GPAT3: variants seen among roughly 807,000 people sequenced by gnomAD.
The protein encoded by GPAT3 is glycerol-3-phosphate acyltransferase 3.
GPAT3 carries 53 observed loss-of-function variants against 58.8 expected under a neutral mutation model. That is an observed-to-expected ratio of 0.90 (90% CI 0.72 to 1.13). The LOEUF is 1.13. GPAT3 is among the 50% of genes most tolerant of loss of function. GPAT3 has a pLI of 0.00. For synonymous variants in GPAT3, 197 were observed against 187.4 expected, an observed-to-expected ratio of 1.05 and a Z score of -0.42; for missense variants, 511 against 527.6, an observed-to-expected ratio of 0.97 and a Z score of 0.31.
chr4:83,577,231 T>C (rs1226299598), intron 2 of GPAT3, among the ~76,000 whole-genome samples: 2 of 152,152 alleles, frequency 1.3e-5, no homozygotes, highest in Non-Finnish European at 2.9e-5. Flanking sequence ...CTGAGGAACC[T>C]TTCCACATTT....
chr4:83,569,940 T>C (rs1208258845), intron 2 of GPAT3, among the ~76,000 whole-genome samples: 1 of 152,214 alleles, frequency 6.6e-6, no homozygotes, highest in Non-Finnish European at 1.5e-5. Flanking sequence ...AGGGGCCATA[T>C]ATAGATTTTC....
At chr4:83,553,646 C>A (rs553565195) in intron 2 of GPAT3, among the ~76,000 whole-genome samples, 1 of 152,190 alleles carries the variant, frequency 6.6e-6, no homozygotes, top group African/African-American at 2.4e-5. Context: ...TGCCTGTAAT[C>A]CCAGCACTTT....
At chr4:83,572,844 AC>A in intron 2 of GPAT3, among the ~76,000 whole-genome samples, 1 of 152,350 alleles carries the variant, frequency 6.6e-6, no homozygotes, top group East Asian at 1.9e-4. Flanking sequence ...GGCCTAACTT[AC>A]GTCCTGGAAA....
At chr4:83,547,787 TA>T (rs1207392710) in intron 2 of GPAT3, among the ~76,000 whole-genome samples, 1 of 152,170 alleles carries the variant, frequency 6.6e-6, no homozygotes, top group Non-Finnish European at 1.5e-5. Context: ...GAACTTCAGA[TA>T]TGATTATGGG....
At chr4:83,581,319 G>A (rs1404649093) in intron 2 of GPAT3, among the ~76,000 whole-genome samples, 1 of 151,750 alleles carries the variant, frequency 6.6e-6, no homozygotes, top group Non-Finnish European at 1.5e-5. Flanking sequence ...GATTATGGAG[G>A]ACCAAAAACC....
chr4:83,590,658 ACTTCTTTCTT>A (rs1726561813), intron 6 of GPAT3, among the ~76,000 whole-genome samples: 1 of 152,168 alleles, frequency 6.6e-6, no homozygotes, highest in African/African-American at 2.4e-5. Context: ...CCAGCCAATT[ACTTCTTTCTT>A]CCTTCAGGGA....
chr4:83,559,447 C>T (rs1298262296), intron 2 of GPAT3, among the ~76,000 whole-genome samples: 2 of 152,120 alleles, frequency 1.3e-5, no homozygotes, highest in African/African-American at 4.8e-5. Flanking sequence ...CCTCAGCCTC[C>T]CGAGTAGCTG....
chr4:83,556,243 T>C (rs575548923), intron 2 of GPAT3, among the ~76,000 whole-genome samples: 1 of 152,304 alleles, frequency 6.6e-6, no homozygotes, highest in Non-Finnish European at 1.5e-5. Flanking sequence ...CCAGCCAAGA[T>C]GTAGGTCAAG....
intron 2 of GPAT3, among the ~76,000 whole-genome samples, chr4:83,566,735 A>G (rs560120454): frequency 2.0e-5 from 3 of 149,844 alleles, no homozygotes; most frequent in African/African-American, 7.3e-5. Context: ...TTCTGAGGAC[A>G]TTATATCTTT....
In GPAT3 at chr4:83,594,905, C is replaced by A; in HGVS notation, c.799C>A (p.Pro267Thr). 6.2e-7 allele frequency: 1 copy of A among 1,613,956 alleles called. No individual in the cohort carries two copies. The highest frequency in any genetic ancestry group is 8.5e-7 in the Non-Finnish European group (1 of 1,179,902). Residue 267 changes from proline to threonine, a missense_variant, in exon 7 of 12, where the codon CCT becomes ACT. By Grantham distance (38) the Pro-to-Thr change is conservative. Coordinates refer to ENST00000264409, the MANE Select transcript of GPAT3 (RefSeq NM_032717.5). ...TCAGAGAGCTATGGTCAAGGCTTGT[C>A]CTCATGTCTGGTTTGAACGCTCAGA... The part of the protein sequence containing the change: ...IIQRAMVKAC[P>T]HVWFERSEMK...
At chr4:83,545,220 C>G (rs531585921) in intron 2 of GPAT3, among the ~76,000 whole-genome samples, 74 of 152,252 alleles carry the variant, frequency 4.9e-4, no homozygotes, top group African/African-American at 1.1e-3. Context: ...GCCGGCAGAT[C>G]GCTTGGGCTC....
At chr4:83,576,396 G>A (rs1402578055) in intron 2 of GPAT3, among the ~76,000 whole-genome samples, 1 of 151,566 alleles carries the variant, frequency 6.6e-6, no homozygotes, top group East Asian at 1.9e-4. Context: ...AGGATTGAAG[G>A]AGTGAGAAAA....
chr4:83,590,270 C>T lies in GPAT3; in HGVS notation c.716C>T (p.Thr239Ile), dbSNP rs541910157. 3.7e-6 allele frequency: 6 copies of T among 1,613,582 alleles called. No homozygotes were observed. The Admixed American group carries it at 5.0e-5, about 13-fold the overall frequency. Reference sequence around the variant, plus strand: ...TCCCCCATTGATGTTTTAATCTTGACAACGGATGGATGTTATGCTATGGTA... The same window carrying T: ...TCCCCCATTGATGTTTTAATCTTGATAACGGATGGATGTTATGCTATGGTA... ...HTSPIDVLIL[T>I]TDGCYAMVGQ... The change falls in exon 6 of 12, where the codon ACA (threonine) becomes ATA (isoleucine). Residue 239 changes from threonine to isoleucine, a missense_variant. Physicochemically the swap from Thr to Ile is moderately conservative, Grantham distance 89. Transcript: ENST00000264409.
At chr4:83,549,471 GTATA>G (rs57866394) in intron 2 of GPAT3, among the ~76,000 whole-genome samples, 1,735 of 98,994 alleles carry the variant, frequency 0.018, 27 homozygotes, top group African/African-American at 0.046. Flanking sequence ...GTGTGTGTAT[GTATA>G]TATATATGAA....
Position 83,597,508 on chromosome 4 carries a change from C to T in GPAT3, c.989C>T (p.Ala330Val), listed in dbSNP as rs1318794137. The T allele has an allele frequency of 3.9e-6, 6 of 1,549,072 alleles. No individual in the cohort carries two copies. Among genetic ancestry groups the T allele is most frequent in the East Asian group, 2.3e-5 (1 of 43,262 alleles). Reference sequence around the variant, plus strand: ...ATTGGAGGAACCATACATCCAGTTGCAATTAAGGTAAAACAGATACCATAA... The same window carrying T: ...ATTGGAGGAACCATACATCCAGTTGTAATTAAGGTAAAACAGATACCATAA... ...FEIGGTIHPV[A>V]IKYNPQFGDA... The change falls in exon 9 of 12, where the codon GCA becomes GTA. Residue 330 changes from alanine to valine, a missense_variant. Physicochemically the swap from Ala to Val is moderately conservative, Grantham distance 64 (BLOSUM62 0). Coordinates refer to ENST00000264409, the MANE Select transcript of GPAT3 (RefSeq NM_032717.5).
intron 2 of GPAT3, among the ~76,000 whole-genome samples, chr4:83,548,359 T>C (rs1724623368): frequency 1.3e-5 from 2 of 152,196 alleles, no homozygotes; most frequent in South Asian, 4.1e-4. Context: ...GCCTTACTCT[T>C]TGGGCATCTG....
intron 5 of GPAT3, among the ~76,000 whole-genome samples, chr4:83,589,331 T>C (rs1578194541): frequency 6.6e-6 from 1 of 152,236 alleles, no homozygotes; most frequent in Non-Finnish European, 1.5e-5. Flanking sequence ...CTGGTTTCAC[T>C]CTAGGGTAGA....
chr4:83,590,885 C>CTTTTTTT, intron 6 of GPAT3, among the ~76,000 whole-genome samples: 1 of 114,308 alleles, frequency 8.7e-6, no homozygotes, highest in African/African-American at 3.2e-5. Flanking sequence ...GAATCATATT[C>CTTTTTTT]TTTTTTTTTT....
chr4:83,563,480 T>C (rs76021016), intron 2 of GPAT3, among the ~76,000 whole-genome samples: 1 of 95,284 alleles, frequency 1.0e-5, no homozygotes, highest in East Asian at 3.9e-4. Context: ...TCTTTCTTCT[T>C]TTTTTTTTTT....
Sources: gnomAD v4.1 joint callset for allele counts (sites outside exome capture counted in the v4.1 genomes callset) on GRCh38, gnomAD v4.1.1 for gene constraint, MANE v1.5 for transcripts, NCBI Gene and HGNC (gene_info 2026-07-23, HGNC 2026-07-21) for gene names.